Variants in IPO11 observed in about 807,000 individuals in gnomAD.
IPO11 encodes importin-11.
IPO11 carries 66 observed loss-of-function variants against 143.2 expected under a neutral mutation model. That is an observed-to-expected ratio of 0.46 (90% confidence interval 0.38 to 0.57). The LOEUF is 0.57. Among genes scored for constraint, IPO11 ranks in the 20% least tolerant of loss-of-function variants. IPO11 has a pLI of 0.00. For synonymous variants in IPO11, 385 were observed against 377.8 expected, an observed-to-expected ratio of 1.02 and a Z score of -0.22; for missense variants, 1,026 against 1,141.0, an observed-to-expected ratio of 0.90 and a Z score of 1.45.
At chr5:62,551,199 A>G (rs760093150) in intron 25 of IPO11, 24 bp from the exon 26 acceptor site, 13 of 1,249,312 alleles carry the variant, frequency 1.0e-5, no homozygotes, top group Non-Finnish European at 7.0e-6. Context: ...ACAATTTTAC[A>G]TGTGTTGTAT....
At chr5:62,598,394 T>TCC (rs1745313764) in intron 28 of IPO11, among the ~76,000 whole-genome samples, 1 of 8,426 alleles carries the variant, frequency 1.2e-4, no homozygotes. Flanking sequence ...CTTGCTTGCT[T>TCC]TCTTTCTTTC....
At chr5:62,527,509 C>T (rs1418772714) in intron 21 of IPO11, among the ~76,000 whole-genome samples, 2 of 152,028 alleles carry the variant, frequency 1.3e-5, no homozygotes, top group Non-Finnish European at 2.9e-5. Flanking sequence ...AATATTAATT[C>T]CTGGCATATA....
chr5:62,489,190 G>A (rs2112234465), intron 13 of IPO11, 112 bp from the exon 14 acceptor site: 2 of 544,606 alleles, frequency 3.7e-6, no homozygotes, highest in Non-Finnish European at 6.1e-6. Flanking sequence ...ACCATGAAAT[G>A]TGTTATACTT....
At chr5:62,532,278 T>C (rs911949662) in intron 22 of IPO11, among the ~76,000 whole-genome samples, 5 of 152,174 alleles carry the variant, frequency 3.3e-5, no homozygotes, top group Admixed American at 6.6e-5. Context: ...TTACTATAAC[T>C]GTATGACACT....
intron 29 of IPO11, among the ~76,000 whole-genome samples, chr5:62,622,343 G>T (rs1746409056): frequency 6.6e-6 from 1 of 152,176 alleles, no homozygotes; most frequent in African/African-American, 2.4e-5. Context: ...ATGCTGCCAA[G>T]TGAAGAACTA....
Position 62,470,285 on chromosome 5 carries a change from C to T in IPO11, c.685C>T (p.Pro229Ser), listed in dbSNP as rs1336545451. 1.9e-6 allele frequency: 3 copies of T among 1,613,628 alleles called. No individual in the cohort carries two copies. The highest frequency in any genetic ancestry group is 1.1e-5 in the South Asian group (1 of 91,072). Residue 229 changes from proline to serine, a missense_variant, in exon 7 of 30, where the codon CCT (proline) becomes TCT (serine). Pro to Ser is a moderately conservative substitution (Grantham distance 74). Around this residue, in one of 5 missense-constraint regions of IPO11, gnomAD observed 429 missense variants for 456.3 expected, o/e 0.94. Transcript: ENST00000325324. ...GTTAACTGTTAATGGATTTGTGGAACCTCATAAGAATATGGAGGTGATGGT... is the reference window on the plus strand; with the variant it reads ...GTTAACTGTTAATGGATTTGTGGAATCTCATAAGAATATGGAGGTGATGGT... ...RKLTVNGFVEPHKNMEVMGFL... is the reference protein window; with the variant it reads ...RKLTVNGFVESHKNMEVMGFL...
chr5:62,475,681 T>TGC (rs1216659066), intron 8 of IPO11, among the ~76,000 whole-genome samples: 7 of 152,254 alleles, frequency 4.6e-5, no homozygotes, highest in Non-Finnish European at 8.8e-5. Context: ...TAGTATTTGT[T>TGC]GCATATCACT....
chr5:62,489,277 A>G, intron 13 of IPO11, 25 bp from the exon 14 acceptor site: 1 of 1,342,084 alleles, frequency 7.5e-7, no homozygotes, highest in Non-Finnish European at 1.0e-6. Flanking sequence ...TTTTACTGAT[A>G]CCTATTTATA....
chr5:62,490,044 A>G lies in IPO11; in HGVS notation c.1358-71A>G, dbSNP rs1228907381. 5.3e-6 allele frequency: 4 copies of G among 755,590 alleles called. No individual in the cohort carries two copies. The African/African-American group carries it at 7.3e-5, about 14-fold the overall frequency. The allele number at this position is 755,590 out of a possible 1,614,324, so 46.8% of individuals were successfully genotyped here. On this transcript the variant is annotated intron_variant, in intron 14 of 29. Coordinates refer to ENST00000325324, the MANE Select transcript of IPO11 (RefSeq NM_016338.5). ...ATTGTGTGTTTCCTTTAATTAACATATGTTTCATACACTCATTTGCAGATC... is the reference window on the plus strand; with the variant it reads ...ATTGTGTGTTTCCTTTAATTAACATGTGTTTCATACACTCATTTGCAGATC...
At chr5:62,443,980 T>A (rs777088941) in intron 3 of IPO11, among the ~76,000 whole-genome samples, 3 of 152,218 alleles carry the variant, frequency 2.0e-5, no homozygotes, top group Non-Finnish European at 4.4e-5. Context: ...TTTTTCTCAG[T>A]CTGAATACTT....
chr5:62,525,680 A>G (rs1742348272), intron 20 of IPO11, among the ~76,000 whole-genome samples: 1 of 152,226 alleles, frequency 6.6e-6, no homozygotes, highest in Non-Finnish European at 1.5e-5. Context: ...CATGGCATTC[A>G]GCCCCTAAAA....
chr5:62,591,448 T>G, intron 27 of IPO11, 129 bp from the exon 28 acceptor site: 1 of 600,902 alleles, frequency 1.7e-6, no homozygotes, highest in Non-Finnish European at 2.9e-6. Flanking sequence ...AGAAATAGAT[T>G]TTGAAAGTTT....
intron 1 of IPO11, among the ~76,000 whole-genome samples, chr5:62,435,086 ATATATG>A (rs1275124999): frequency 0.023 from 2,067 of 89,216 alleles, 106 homozygotes; most frequent in African/African-American, 0.044. Flanking sequence ...ATATATGTGT[ATATATG>A]TATATATGTA....
At chr5:62,568,967 G>C (rs926870598) in intron 27 of IPO11, among the ~76,000 whole-genome samples, 4 of 152,198 alleles carry the variant, frequency 2.6e-5, no homozygotes, top group African/African-American at 7.2e-5. Context: ...TTTAGCACTA[G>C]AGAGTGCCCT....
chr5:62,558,976 T>C (rs1293273149), intron 26 of IPO11, among the ~76,000 whole-genome samples: 1 of 152,186 alleles, frequency 6.6e-6, no homozygotes, highest in Non-Finnish European at 1.5e-5. Context: ...CTGTAGTATA[T>C]TAATAGTGCA....
chr5:62,580,183 AAAGG>A, intron 27 of IPO11: 1 of 1,551,236 alleles, frequency 6.4e-7, no homozygotes, highest in East Asian at 2.4e-5. Flanking sequence ...CTTTGCATTT[AAAGG>A]ACTTGCCAAT....
intron 29 of IPO11, among the ~76,000 whole-genome samples, chr5:62,625,537 G>T (rs1217853848): frequency 6.6e-6 from 1 of 152,134 alleles, no homozygotes; most frequent in African/African-American, 2.4e-5. Flanking sequence ...GCTTCTGAAG[G>T]TTCCTAATTT....
chr5:62,452,723 G>T (rs866217257), intron 5 of IPO11, among the ~76,000 whole-genome samples: 5 of 135,334 alleles, frequency 3.7e-5, no homozygotes, highest in African/African-American at 9.1e-5. Context: ...TTTTTGGTGG[G>T]GTGTGTGTGT....
chr5:62,460,906 A>G (rs1745338444), intron 5 of IPO11, among the ~76,000 whole-genome samples: 1 of 152,060 alleles, frequency 6.6e-6, no homozygotes, highest in South Asian at 2.1e-4. Flanking sequence ...GTAAGCATGT[A>G]TCAGTTGGTG....
Sources: allele counts gnomAD v4.1 joint callset (sites outside exome capture counted in the v4.1 genomes callset), GRCh38; gene constraint gnomAD v4.1.1; regional missense constraint gnomAD v4.1.1; transcripts MANE v1.5; gene names NCBI Gene and HGNC (gene_info 2026-07-23, HGNC 2026-07-21).